The following HMCN2 variants were observed in gnomAD, a reference collection of about 807,000 sequenced individuals.
HMCN2 encodes the protein hemicentin 2.
A neutral mutation model predicts 377.5 loss-of-function variants in HMCN2; 325 were observed. The observed-to-expected ratio is 0.86, with a 90% CI of 0.79 to 0.94. The LOEUF (loss-of-function observed/expected upper bound fraction) is 0.94, where lower values mean the gene tolerates loss of function less well. Among genes scored for constraint, HMCN2 ranks in the 40% least tolerant of loss-of-function variants. The probability of loss-of-function intolerance (pLI) is 0.00; values close to 1 mark genes in which losing one functional copy is unlikely to be tolerated. For synonymous variants in HMCN2, 2,007 were observed against 2,046.8 expected (o/e 0.98, Z 0.53); for missense variants, 4,543 against 4,725.3 (o/e 0.96, Z 1.13).
chr9:130,405,161 G>C (rs1843032619), intron 81 of HMCN2, 102 bp downstream of exon 81: 1 of 784,304 alleles, frequency 1.3e-6, no homozygotes, highest in African/African-American at 1.9e-5. Flanking sequence ...CTGGGAGCCT[G>C]GGGAAATCAG....
chr9:130,272,406 A>G (rs1335136819), intron 1 of HMCN2, among the ~76,000 whole-genome samples: 1 of 141,996 alleles, frequency 7.0e-6, no homozygotes, highest in East Asian at 2.0e-4. Flanking sequence ...ATGCCTAGCT[A>G]ATTTTTGTAT....
chr9:130,394,241 C>T lies in HMCN2; in HGVS notation c.10502-144C>T, dbSNP rs964228220. 2 of 582,224 alleles carry T rather than the reference C, an allele frequency of 3.4e-6. No homozygotes were observed. The highest frequency in any genetic ancestry group is 5.2e-6 in the Non-Finnish European group (2 of 382,866). 36.1% of individuals were successfully genotyped at this position (582,224 alleles called of 1,614,324 possible). ...CCAGGGCTGTGCTCCTGGTTTCTTT[C>T]CACCAAACCTTGGTGGCAGATGCAA... On this transcript the variant is annotated intron_variant, in intron 68 of 97. Coordinates refer to ENST00000683500, the MANE Select transcript of HMCN2 (RefSeq NM_001291815.2). The surrounding 1 kb of genome is among the most constrained non-coding windows in gnomAD (Gnocchi z 5.1).
At chr9:130,425,188 C>T (rs1844256306) in intron 89 of HMCN2, 58 bp downstream of exon 89, 8 of 1,474,902 alleles carry the variant, frequency 5.4e-6, no homozygotes, top group Non-Finnish European at 7.2e-6. Flanking sequence ...CGAAGGTGCC[C>T]GGCTCTCAAC....
rs572217707 is a variant in HMCN2 at position 130,351,423 on chromosome 9, G to A, written c.4431G>A (p.Gln1477=). 200 of 1,303,954 alleles carry A rather than the reference G, an allele frequency of 1.5e-4. 2 individuals carry two copies. In the South Asian group the frequency reaches 2.3e-3, roughly 15 times the overall value. 80.8% of individuals were successfully genotyped at this position (1,303,954 alleles called of 1,614,324 possible). A position where few individuals can be genotyped will look rare whatever the true frequency, so the allele number is the denominator to read the frequency against. ...TPQVEWTKDR[Q]PVLPGGPHLQ... is the part of the protein sequence containing the mutation. The stretch of plus-strand genomic sequence containing the variant: ...GCTTTTCCCTTGCCCGTCTCTCCAG[G>A]CCTGTCCTTCCGGGAGGCCCTCACC... Residue 1477 remains glutamine, a splice_region_variant and synonymous_variant, in exon 30 of 98, where the codon CAG becomes CAA. Transcript: ENST00000683500. This position sits in a 1 kb window ranked among gnomAD's most constrained non-coding sequence, Gnocchi z 5.4.
At chr9:130,427,769 C>A in intron 92 of HMCN2, 150 bp downstream of exon 92, 1 of 972,322 alleles carries the variant, frequency 1.0e-6, no homozygotes, top group Non-Finnish European at 1.5e-6. Context: ...CCTGGGGGTC[C>A]CAATGCTATG....
At chr9:130,311,293 G>C (rs1837228216) in intron 15 of HMCN2, among the ~76,000 whole-genome samples, 2 of 152,376 alleles carry the variant, frequency 1.3e-5, no homozygotes, top group Admixed American at 6.5e-5. Context: ...AGGCGGGCCA[G>C]GCTCTGACTG....
At chr9:130,355,619 G>A in intron 32 of HMCN2, 127 bp from the exon 33 acceptor site, 2 of 489,544 alleles carry the variant, frequency 4.1e-6, no homozygotes, top group Non-Finnish European at 3.8e-6. Flanking sequence ...TGGAGGAAGG[G>A]CCACTGATAG....
At chr9:130,404,283 G>T (rs962727404) in intron 80 of HMCN2, among the ~76,000 whole-genome samples, 2 of 152,196 alleles carry the variant, frequency 1.3e-5, no homozygotes, top group Non-Finnish European at 2.9e-5. Context: ...GGCCCCAGTG[G>T]CCTGCTTTGT....
At chr9:130,314,935 A>C (rs1192012255) in intron 15 of HMCN2, among the ~76,000 whole-genome samples, 1 of 152,010 alleles carries the variant, frequency 6.6e-6, no homozygotes, top group Non-Finnish European at 1.5e-5. Flanking sequence ...GGGGGCCTTC[A>C]GGCCAGTGTC....
chr9:130,339,302 AGAAGT>A (rs1838927097), intron 23 of HMCN2, among the ~76,000 whole-genome samples: 1 of 152,224 alleles, frequency 6.6e-6, no homozygotes, highest in South Asian at 2.1e-4. Context: ...GGCAGAGGTG[AGAAGT>A]GGAGGGAGCC....
intron 15 of HMCN2, 46 bp downstream of exon 15, chr9:130,310,107 C>T (rs782082619): frequency 6.3e-6 from 3 of 478,172 alleles, no homozygotes; most frequent in South Asian, 1.6e-5. Flanking sequence ...TTCCCCTTTC[C>T]CAGCCCTCTG....
chr9:130,345,351 G>A (rs1462879181), intron 25 of HMCN2, among the ~76,000 whole-genome samples: 1 of 149,424 alleles, frequency 6.7e-6, no homozygotes, highest in East Asian at 2.0e-4. Flanking sequence ...TTTGTGGTGT[G>A]TGGTGTGTAT....
intron 19 of HMCN2, among the ~76,000 whole-genome samples, chr9:130,324,305 A>C (rs1838008961): frequency 6.6e-6 from 1 of 152,222 alleles, no homozygotes; most frequent in African/African-American, 2.4e-5. Flanking sequence ...TTCACTTAGC[A>C]TGTTTTTAAG....
intron 70 of HMCN2, 33 bp from the exon 71 acceptor site, chr9:130,395,178 C>T (rs1167133914): frequency 2.3e-6 from 3 of 1,284,008 alleles, no homozygotes; most frequent in African/African-American, 3.0e-5. Context: ...GTGAGTCCCC[C>T]TCTCATATCC....
At position 130,360,595 on chromosome 9, in the gene HMCN2, C is replaced by T. The variant is rs148160635; in HGVS notation, c.5941C>T (p.Arg1981Trp). ...TAGCACAGAGCTGCGGTATGGCCTA[C>T]GGGTCAATGGTGAGCTTCCCTGGGC... ...AGSTELRYGL[R>W]VNVPPRITLP... The change falls in exon 38 of 98, where the codon CGG becomes TGG. Residue 1981 changes from arginine (R) to tryptophan (W), a missense_variant. By Grantham distance (101) the Arg-to-Trp change is moderately radical. This residue lies in a region of HMCN2 where 1,032 missense variants were observed against 1,285.1 expected (regional missense o/e 0.80). Coordinates refer to ENST00000683500, the MANE Select transcript of HMCN2 (RefSeq NM_001291815.2). This position sits in a 1 kb window ranked among gnomAD's most constrained non-coding sequence, Gnocchi z 4.7. The T allele has an allele frequency of 2.7e-3, 3,543 of 1,296,770 alleles. 5 individuals carry two copies. Among genetic ancestry groups the T allele is most frequent in the Non-Finnish European group, 3.3e-3 (3,284 of 984,464 alleles). 80.3% of individuals were successfully genotyped at this position (1,296,770 alleles called of 1,614,324 possible).
intron 35 of HMCN2, 51 bp from the exon 36 acceptor site, chr9:130,358,339 C>T (rs879000690): frequency 1.3e-5 from 17 of 1,302,636 alleles, no homozygotes; most frequent in South Asian, 8.6e-5. Flanking sequence ...CGCCATGTCC[C>T]GTCATCACTT....
intron 4 of HMCN2, among the ~76,000 whole-genome samples, chr9:130,287,510 C>T (rs1178837908): frequency 1.4e-5 from 2 of 143,928 alleles, no homozygotes; most frequent in East Asian, 2.1e-4. Flanking sequence ...AAGATCGTGC[C>T]ATTGCACTCC....
chr9:130,390,213 G>A (rs1023926814), intron 62 of HMCN2, among the ~76,000 whole-genome samples: 5 of 152,138 alleles, frequency 3.3e-5, no homozygotes, highest in Non-Finnish European at 5.9e-5. Context: ...CAACATTCAC[G>A]TCTCAGCGGA....
At chr9:130,388,041 A>G (rs1418141222) in intron 61 of HMCN2, among the ~76,000 whole-genome samples, 1 of 152,304 alleles carries the variant, frequency 6.6e-6, no homozygotes, top group East Asian at 1.9e-4. Flanking sequence ...CTGAGGGCAA[A>G]GGCATTTCAT....
Sources: allele counts gnomAD v4.1 joint callset (sites outside exome capture counted in the v4.1 genomes callset), GRCh38; gene constraint gnomAD v4.1.1; regional missense constraint gnomAD v4.1.1; non-coding constraint Gnocchi (gnomAD v3.1); transcripts MANE v1.5; gene names NCBI Gene and HGNC (gene_info 2026-07-23, HGNC 2026-07-21).